Variants in PHKA2 observed in about 807,000 individuals in gnomAD.
The protein encoded by PHKA2 is phosphorylase kinase regulatory subunit alpha 2, also known as phosphorylase b kinase regulatory subunit alpha, liver isoform.
A neutral mutation model predicts 102.0 loss-of-function variants in PHKA2; 31 were observed. The ratio of observed to expected loss-of-function variants is 0.30; its 90% confidence interval spans 0.23 to 0.41. The LOEUF is 0.41. Among genes scored for constraint, PHKA2 ranks in the 10% least tolerant of loss-of-function variants. The pLI is 1.00. For missense variants in PHKA2, 858 were observed against 1,023.1 expected (o/e 0.84, Z 2.20); for synonymous variants, 455 against 416.2 (o/e 1.09, Z -1.13).
intron 1 of PHKA2, among the ~76,000 whole-genome samples, chrX:18,957,646 T>A (rs772380590): frequency 9.2e-6 from 1 of 108,722 alleles, no homozygotes; most frequent in Admixed American, 9.9e-5. Flanking sequence ...TCTTTTTTGC[T>A]TGGTTCCCTC....
At position 18,894,420 on chromosome X, in the gene PHKA2, G is replaced by A; in HGVS notation, c.3337-16C>T. On this transcript the variant is annotated splice_polypyrimidine_tract_variant and intron_variant, in intron 31 of 32. Coordinates refer to ENST00000379942, the MANE Select transcript of PHKA2 (RefSeq NM_000292.3). ...GCGGGGTCATCTACCAAAGGGACAG[G>A]CAGGCAACCACCAGTGAGAGGACAG... 8.5e-7 allele frequency: 1 copy of A among 1,183,334 alleles called. No individual in the cohort carries two copies. The highest frequency in any genetic ancestry group is 1.1e-6 in the Non-Finnish European group (1 of 872,440).
intron 10 of PHKA2, among the ~76,000 whole-genome samples, chrX:18,938,161 G>T (rs2048423409): frequency 8.9e-6 from 1 of 112,777 alleles, no homozygotes; most frequent in Non-Finnish European, 1.9e-5. Flanking sequence ...TGGAAGCTTG[G>T]CAGCTTCTGC....
At chrX:18,948,062 G>A (rs141124021) in intron 5 of PHKA2, among the ~76,000 whole-genome samples, 207 of 111,563 alleles carry the variant, frequency 1.9e-3, no homozygotes, top group African/African-American at 6.1e-3. Flanking sequence ...TATACTGCCC[G>A]GGTGATGGGT....
Position 18,925,767 on chromosome X carries a change from C to A in PHKA2, c.1470G>T (p.Lys490Asn). 8.6e-7 allele frequency: 1 copy of A among 1,165,430 alleles called. No homozygotes were observed. The highest frequency in any genetic ancestry group is 1.8e-5 in the South Asian group (1 of 55,955). The change falls in exon 15 of 33, where the codon AAG (lysine) becomes AAT (asparagine). Residue 490 changes from lysine to asparagine, a missense_variant. Transcript: ENST00000379942. ...SHIYAKLGRN[K>N]NMNLSGRPYR... is the part of the protein sequence containing the mutation. ...ACGGTCGCCCACTCAAATTCATATT[C>A]TTATTCCGTCCTGTTTGAGAAGTAA...
chrX:18,950,974 T>C, intron 4 of PHKA2, 130 bp downstream of exon 4: 2 of 663,125 alleles, frequency 3.0e-6, no homozygotes, highest in Non-Finnish European at 4.8e-6. Context: ...ATAAATGGCC[T>C]TGTCTGAGGT....
At position 18,918,848 on chromosome X, in the gene PHKA2, T is replaced by G. The variant is rs1172141228; in HGVS notation, c.1970A>C (p.Gln657Pro). 8.3e-7 allele frequency: 1 copy of G among 1,208,658 alleles called. No individual in the cohort carries two copies. The highest frequency in any genetic ancestry group is 1.1e-6 in the Non-Finnish European group (1 of 894,166). Residue 657 changes from glutamine to proline, a missense_variant, in exon 19 of 33, where the codon CAA becomes CCA. This residue lies in a region of PHKA2 where 671 missense variants were observed against 745.2 expected (regional missense o/e 0.90). Transcript: ENST00000379942. ...YLEDTCNQES[Q>P]DELDHYINHL... ...GTTGATATAATGGTCAAGTTCGTCT[T>G]GGCTTTCTGTAATTGGACAAGCAAG...
intron 1 of PHKA2, among the ~76,000 whole-genome samples, chrX:18,983,448 G>C (rs2049208277): frequency 8.9e-6 from 1 of 112,283 alleles, no homozygotes; most frequent in Non-Finnish European, 1.9e-5. Flanking sequence ...GGTAGCTGTC[G>C]CCCCACACTG....
chrX:18,934,203 C>T (rs2048358049), intron 11 of PHKA2, among the ~76,000 whole-genome samples: 1 of 112,012 alleles, frequency 8.9e-6, no homozygotes, highest in African/African-American at 3.3e-5. Context: ...ACCCACATAC[C>T]GCAGCACGCG....
intron 1 of PHKA2, among the ~76,000 whole-genome samples, chrX:18,967,232 C>G (rs1223021442): frequency 9.0e-6 from 1 of 111,247 alleles, no homozygotes; most frequent in Non-Finnish European, 1.9e-5. Flanking sequence ...GAGCCTGTTA[C>G]TAAGCACTGA....
At chrX:18,913,530 C>T (rs892485978) in intron 19 of PHKA2, among the ~76,000 whole-genome samples, 1 of 109,251 alleles carries the variant, frequency 9.2e-6, no homozygotes, top group Non-Finnish European at 1.9e-5. Flanking sequence ...CTCAGCCTCC[C>T]GAGTAGCTGG....
In PHKA2 at chrX:18,907,092, G is replaced by A. The variant is rs1440263154; in HGVS notation, c.2523C>T (p.Cys841=). 2 of 1,175,920 alleles carry A rather than the reference G, an allele frequency of 1.7e-6. No homozygotes were observed. Among genetic ancestry groups the A allele is most frequent in the South Asian group, 3.7e-5 (2 of 53,532 alleles). The change falls in exon 23 of 33, where the codon TGC becomes TGT. Residue 841 remains cysteine (C), a synonymous_variant. Coordinates refer to ENST00000379942, the MANE Select transcript of PHKA2 (RefSeq NM_000292.3). ...RKKVEVLAEA[C]TDLLSHQKQL... ...GCTTCTGGTGCGAAAGCAGGTCTGT[G>A]CAGGCCTGCGCAGTTAAGGGGAAGG...
In PHKA2 at chrX:18,942,616, G is replaced by A. The variant is rs532985629; in HGVS notation, c.718-941C>T. 1.6e-4 allele frequency among the ~76,000 whole-genome samples: 18 copies of A among 110,877 alleles called. 1 individual carries two copies. The South Asian group carries it at 3.5e-3, about 21-fold the overall frequency. ...CCAGAGCTTTGGGAGGCTGAGGTGG[G>A]AAGATCACTTGAGGCCAGGAATTGG... On this transcript the variant is annotated intron_variant, in intron 7 of 32. Coordinates refer to ENST00000379942, the MANE Select transcript of PHKA2 (RefSeq NM_000292.3).
rs2047872926 is a variant in PHKA2 at position 18,908,870 on chromosome X, A to G, written c.2291T>C (p.Val764Ala). The change falls in exon 21 of 33, where the codon GTT (valine) becomes GCT (alanine). Residue 764 changes from valine to alanine, a missense_variant. By Grantham distance (64) the Val-to-Ala change is moderately conservative (BLOSUM62 0). This residue lies in a region of PHKA2 where 671 missense variants were observed against 745.2 expected (regional missense o/e 0.90). Coordinates refer to ENST00000379942, the MANE Select transcript of PHKA2 (RefSeq NM_000292.3). The stretch of plus-strand genomic sequence containing the variant: ...GTTCGAACAATCTTTTAGCTGCTCA[A>G]CCAGCTTCTCACAGTCCACGTCACC... ...DHGDVDCEKL[V>A]EQLKDCSNLQ... 8.3e-7 allele frequency: 1 copy of G among 1,208,357 alleles called. No individual in the cohort carries two copies. Among genetic ancestry groups the G allele is most frequent in the Admixed American group, 2.2e-5 (1 of 45,738 alleles).
chrX:18,922,826 C>T (rs2048145450), intron 17 of PHKA2, among the ~76,000 whole-genome samples: 1 of 109,012 alleles, frequency 9.2e-6, no homozygotes, highest in South Asian at 4.3e-4. Context: ...TATACACTTA[C>T]AAATGGTTAA....
chrX:18,903,387 G>A (rs946749799), intron 26 of PHKA2, among the ~76,000 whole-genome samples: 2 of 112,273 alleles, frequency 1.8e-5, no homozygotes, highest in African/African-American at 3.2e-5. Flanking sequence ...TGTGACTCTC[G>A]GAATGCCCCT....
intron 1 of PHKA2, among the ~76,000 whole-genome samples, chrX:18,983,503 T>C (rs1039770769): frequency 8.9e-6 from 1 of 112,362 alleles, no homozygotes; most frequent in Non-Finnish European, 1.9e-5. Flanking sequence ...TCCTGTCTAC[T>C]GTTCTCATTC....
At chrX:18,960,194 T>C (rs888449875) in intron 1 of PHKA2, among the ~76,000 whole-genome samples, 2 of 111,819 alleles carry the variant, frequency 1.8e-5, no homozygotes, top group Non-Finnish European at 3.8e-5. Flanking sequence ...AGTGGCTTAT[T>C]ACAACAAACG....
intron 1 of PHKA2, among the ~76,000 whole-genome samples, chrX:18,982,956 G>C (rs913852792): frequency 1.8e-5 from 2 of 112,281 alleles, no homozygotes; most frequent in African/African-American, 3.2e-5. Flanking sequence ...AGAGTGCTTT[G>C]CATATAACAG....
chrX:18,907,993 A>T lies in PHKA2; in HGVS notation c.2424T>A (p.Gly808=). 1 of 1,211,031 alleles carries T rather than the reference A, an allele frequency of 8.3e-7. No individual in the cohort carries two copies. Among genetic ancestry groups the T allele is most frequent in the South Asian group, 1.8e-5 (1 of 56,954 alleles). ...QHGVTVQNLL[G]ELYGKAGLNQ... ...TCAAGCCGGCTTTCCCATAGAGCTC[A>T]CCAAGAAGGTTTTGAACGGTGACCC... is the stretch of plus-strand genomic sequence containing the variant. Residue 808 remains glycine, a synonymous_variant, in exon 22 of 33, where the codon GGT becomes GGA. Transcript: ENST00000379942.
Sources: gnomAD v4.1 joint callset for allele counts (sites outside exome capture counted in the v4.1 genomes callset) on GRCh38, gnomAD v4.1.1 for gene constraint, gnomAD v4.1.1 regional missense constraint, MANE v1.5 for transcripts, NCBI Gene and HGNC (gene_info 2026-07-23, HGNC 2026-07-21) for gene names.